FSTL5: variants seen among roughly 807,000 people sequenced by gnomAD.
The protein encoded by FSTL5 is follistatin-related protein 5.
FSTL5 carries 62 observed loss-of-function variants against 89.1 expected under a neutral mutation model. The ratio of observed to expected loss-of-function variants is 0.70; its 90% CI spans 0.57 to 0.86. The LOEUF (loss-of-function observed/expected upper bound fraction) is 0.86, where lower values mean the gene tolerates loss of function less well. FSTL5 is among the 40% of genes least tolerant of loss of function. The probability of loss-of-function intolerance (pLI) is 0.00; values close to 1 mark genes in which losing one functional copy is unlikely to be tolerated. For synonymous variants in FSTL5, 383 were observed against 346.2 expected (o/e 1.11, Z -1.18); for missense variants, 1,057 against 1,001.6 (o/e 1.06, Z -0.75).
chr4:162,090,403 C>T (rs1189705906), intron 2 of FSTL5, among the ~76,000 whole-genome samples: 1 of 152,030 alleles, frequency 6.6e-6, no homozygotes, highest in Non-Finnish European at 1.5e-5. Context: ...AAAAGAAAAA[C>T]AACCCCATTA....
rs550111988 is a variant in FSTL5 at position 162,146,302 on chromosome 4, A to G, written c.-17+17313T>C. ...TATTTCCCTTGTAACTGAAACATCC[A>G]TGTCACTTTGTTGTGAATCTATTCC... On this transcript the variant is annotated intron_variant, in intron 1 of 15. Transcript: ENST00000306100. Among the ~76,000 whole-genome samples the G allele has an allele frequency of 4.7e-4, 72 of 152,282 alleles. 1 individual carries two copies. The South Asian group carries it at 0.014, about 29-fold the overall frequency.
intron 7 of FSTL5, among the ~76,000 whole-genome samples, chr4:161,598,054 C>T (rs1050401277): frequency 1.3e-5 from 2 of 152,068 alleles, no homozygotes; most frequent in African/African-American, 2.4e-5. Context: ...AATCCAAAAT[C>T]TCAACACAAT....
At chr4:161,690,087 C>A (rs1293816833) in intron 6 of FSTL5, among the ~76,000 whole-genome samples, 1 of 152,070 alleles carries the variant, frequency 6.6e-6, no homozygotes, top group Non-Finnish European at 1.5e-5. Flanking sequence ...TTGGCTGGAA[C>A]ATACATAAAC....
intron 4 of FSTL5, among the ~76,000 whole-genome samples, chr4:161,847,563 G>A (rs1282529925): frequency 1.3e-5 from 2 of 152,132 alleles, no homozygotes; most frequent in East Asian, 1.9e-4. Context: ...GTCACTTGTA[G>A]TTGTTTTTTC....
chr4:162,092,967 A>G lies in FSTL5; in HGVS notation c.126+18304T>C, dbSNP rs565802289. ...TGTCTCAAAAAAAAAAAAAAAAAAAAAAAAGAAAGATAGCCGAGGCTATGT... is the reference window on the plus strand; with the variant it reads ...TGTCTCAAAAAAAAAAAAAAAAAAAGAAAAGAAAGATAGCCGAGGCTATGT... On this transcript the variant is annotated intron_variant, in intron 2 of 15. Transcript: ENST00000306100. Among the ~76,000 whole-genome samples, 1,445 of 151,270 alleles carry G rather than the reference A, an allele frequency of 9.6e-3. 11 individuals are homozygous for G. The highest frequency in any genetic ancestry group is 0.015 in the Non-Finnish European group (1,003 of 67,754).
chr4:162,080,983 T>C (rs1297486671), intron 2 of FSTL5, among the ~76,000 whole-genome samples: 1 of 151,644 alleles, frequency 6.6e-6, no homozygotes, highest in Non-Finnish European at 1.5e-5. Flanking sequence ...AATTATTCTC[T>C]AAGGATTTAT....
intron 4 of FSTL5, among the ~76,000 whole-genome samples, chr4:161,860,266 C>G (rs1010664193): frequency 6.7e-6 from 1 of 149,556 alleles, no homozygotes; most frequent in Admixed American, 6.8e-5. Context: ...CCAGCCTAGG[C>G]GACAGAGCGA....
intron 15 of FSTL5, among the ~76,000 whole-genome samples, chr4:161,423,710 C>T (rs1243167885): frequency 6.6e-6 from 1 of 152,016 alleles, no homozygotes; most frequent in African/African-American, 2.4e-5. Context: ...AGATACAGGC[C>T]ATAATGAAAA....
chr4:161,506,496 C>T (rs553578355), intron 11 of FSTL5, among the ~76,000 whole-genome samples: 19 of 151,984 alleles, frequency 1.3e-4, no homozygotes, highest in African/African-American at 4.1e-4. Context: ...TCTTTAGTGG[C>T]GATTTGTAAG....
chr4:161,742,137 A>T (rs1740051194), intron 6 of FSTL5, among the ~76,000 whole-genome samples: 1 of 152,334 alleles, frequency 6.6e-6, no homozygotes, highest in East Asian at 1.9e-4. Flanking sequence ...CAATGCAAAT[A>T]AAACAACGGA....
chr4:161,775,074 A>G (rs1426012978), intron 5 of FSTL5, among the ~76,000 whole-genome samples: 1 of 152,188 alleles, frequency 6.6e-6, no homozygotes, highest in African/African-American at 2.4e-5. Flanking sequence ...TACTTGTTTA[A>G]TAAGACCAAT....
At chr4:162,156,326 C>T (rs953559469) in intron 1 of FSTL5, among the ~76,000 whole-genome samples, 1 of 152,150 alleles carries the variant, frequency 6.6e-6, no homozygotes, top group Non-Finnish European at 1.5e-5. Context: ...CTGAAGAAAG[C>T]AGTTTGGAGA....
In FSTL5 at chr4:161,751,592, TAG is replaced by T. The variant is rs201231872; in HGVS notation, c.727+7817_727+7818del. Among the ~76,000 whole-genome samples the T allele has an allele frequency of 4.9e-3, 748 of 152,076 alleles. 5 individuals are homozygous for T. The highest frequency in any genetic ancestry group is 0.017 in the African/African-American group (713 of 41,494). ...GAGTTTGAGACCAGGCTGGGCAACATAGCAAAGTCCCATCTCTACTAAAAAAA... is the reference window on the plus strand; with the variant it reads ...GAGTTTGAGACCAGGCTGGGCAACATCAAAGTCCCATCTCTACTAAAAAAA... On this transcript the variant is annotated intron_variant, in intron 6 of 15. Coordinates refer to ENST00000306100, the MANE Select transcript of FSTL5 (RefSeq NM_020116.5).
intron 11 of FSTL5, among the ~76,000 whole-genome samples, chr4:161,505,727 C>T (rs745570804): frequency 2.0e-4 from 31 of 151,658 alleles, no homozygotes; most frequent in Non-Finnish European, 4.1e-4. Flanking sequence ...TAATTTAAGC[C>T]AATGTCATTA....
intron 15 of FSTL5, among the ~76,000 whole-genome samples, chr4:161,394,050 AT>A (rs1160153519): frequency 1.1e-4 from 16 of 152,302 alleles, no homozygotes; most frequent in African/African-American, 3.4e-4. Context: ...AGTCTAGTTA[AT>A]GTATAGAGCT....
At chr4:161,818,550 G>T (rs1307614779) in intron 4 of FSTL5, among the ~76,000 whole-genome samples, 3 of 152,114 alleles carry the variant, frequency 2.0e-5, no homozygotes, top group Non-Finnish European at 4.4e-5. Context: ...CATCACCATC[G>T]GGTGGGAGCC....
At chr4:161,870,050 T>C (rs1246065619) in intron 4 of FSTL5, among the ~76,000 whole-genome samples, 3 of 152,168 alleles carry the variant, frequency 2.0e-5, no homozygotes, top group Admixed American at 2.0e-4. Context: ...GCAAGGTAAA[T>C]CTGTTGTAAT....
At chr4:161,890,565 ATAACCCC>A (rs1732953328) in intron 4 of FSTL5, among the ~76,000 whole-genome samples, 2 of 151,372 alleles carry the variant, frequency 1.3e-5, no homozygotes, top group African/African-American at 2.4e-5. Flanking sequence ...GTGTGTGCCT[ATAACCCC>A]AGCTACTCAG....
At chr4:161,956,430 A>G (rs1250394815) in intron 3 of FSTL5, among the ~76,000 whole-genome samples, 4 of 151,934 alleles carry the variant, frequency 2.6e-5, no homozygotes, top group Non-Finnish European at 5.9e-5. Flanking sequence ...GTCTTATCCA[A>G]AGCCTCACAA....
Sources: gnomAD v4.1 joint callset for allele counts (sites outside exome capture counted in the v4.1 genomes callset) on GRCh38, gnomAD v4.1.1 for gene constraint, MANE v1.5 for transcripts, NCBI Gene and HGNC (gene_info 2026-07-23, HGNC 2026-07-21) for gene names.